TSHZ2: variants seen among roughly 807,000 people sequenced by gnomAD.
The protein encoded by TSHZ2 is teashirt homolog 2.
TSHZ2 carries 21 observed loss-of-function variants against 74.4 expected under a neutral mutation model. The ratio of observed to expected loss-of-function variants is 0.28; its 90% CI spans 0.20 to 0.41. The LOEUF is 0.41. Among genes scored for constraint, TSHZ2 ranks in the 10% least tolerant of loss-of-function variants. TSHZ2 has a pLI of 1.00. For synonymous variants in TSHZ2, 540 were observed against 515.3 expected (o/e 1.05, Z -0.65); for missense variants, 1,244 against 1,293.5 (o/e 0.96, Z 0.59).
At chr20:53,099,404 A>G (rs1986149592) in intron 1 of TSHZ2, among the ~76,000 whole-genome samples, 2 of 152,216 alleles carry the variant, frequency 1.3e-5, no homozygotes, top group South Asian at 2.1e-4. Context: ...CTTCTTGCAG[A>G]AAGCCTCCAC....
At chr20:53,099,467 C>CTAA (rs3070074) in intron 1 of TSHZ2, among the ~76,000 whole-genome samples, 136,720 of 152,074 alleles carry the variant, frequency 0.9, 61,685 homozygotes, top group East Asian at 1. Context: ...TTGCTACAAC[C>CTAA]TGTTTCTTCA....
chr20:53,185,222 T>C, intron 1 of TSHZ2: 1 of 989,904 alleles, frequency 1.0e-6, no homozygotes, highest in Non-Finnish European at 1.2e-6. Context: ...TACTGTCATT[T>C]AGCCTGTTTC....
At chr20:53,200,069 T>A (rs1160804694) in intron 1 of TSHZ2, among the ~76,000 whole-genome samples, 1 of 152,164 alleles carries the variant, frequency 6.6e-6, no homozygotes, top group Non-Finnish European at 1.5e-5. Flanking sequence ...AACCAATCAA[T>A]CAATCAGCAA....
At chr20:53,282,599 ATG>A (rs1991085778) in intron 2 of TSHZ2, among the ~76,000 whole-genome samples, 1 of 152,236 alleles carries the variant, frequency 6.6e-6, no homozygotes, top group Non-Finnish European at 1.5e-5. Context: ...TATTCACCGA[ATG>A]GACCTCAGAA....
At chr20:53,401,351 C>A (rs1982651032) in intron 2 of TSHZ2, 1 of 152,190 alleles carries the variant, frequency 6.6e-6, no homozygotes, top group African/African-American at 2.4e-5. Flanking sequence ...TATATTTTTA[C>A]TGTACCTTTT....
At chr20:53,116,462 T>C (rs1349258213) in intron 1 of TSHZ2, among the ~76,000 whole-genome samples, 1 of 152,164 alleles carries the variant, frequency 6.6e-6, no homozygotes, top group Non-Finnish European at 1.5e-5. Context: ...TCATTCTCTC[T>C]CAGCTCCTTA....
At chr20:53,472,317 G>A (rs1985833648) in intron 2 of TSHZ2, among the ~76,000 whole-genome samples, 1 of 152,200 alleles carries the variant, frequency 6.6e-6, no homozygotes, top group African/African-American at 2.4e-5. Context: ...CAGTTCGGGA[G>A]GATTTCATGA....
chr20:53,472,366 G>C (rs1173078906), intron 2 of TSHZ2, among the ~76,000 whole-genome samples: 2 of 152,158 alleles, frequency 1.3e-5, no homozygotes, highest in Non-Finnish European at 2.9e-5. Flanking sequence ...AGGGAGGAGT[G>C]AGGGCACAGT....
At chr20:53,145,909 A>C (rs948288185) in intron 1 of TSHZ2, among the ~76,000 whole-genome samples, 1 of 152,218 alleles carries the variant, frequency 6.6e-6, no homozygotes, top group African/African-American at 2.4e-5. Context: ...TAATAAATAG[A>C]AAGCACTTGG....
intron 1 of TSHZ2, among the ~76,000 whole-genome samples, chr20:52,998,021 A>G (rs1050032663): frequency 2.0e-4 from 30 of 152,202 alleles, no homozygotes; most frequent in African/African-American, 7.0e-4. Flanking sequence ...GAGGATGCTC[A>G]GGGGGGGATT....
chr20:53,293,676 T>C (rs1368267466), intron 2 of TSHZ2, among the ~76,000 whole-genome samples: 7 of 139,010 alleles, frequency 5.0e-5, no homozygotes, highest in Non-Finnish European at 1.5e-5. Flanking sequence ...AGTGCTGTGC[T>C]GGTAAATTTT....
chr20:53,473,687 C>T (rs1985902639), intron 2 of TSHZ2, among the ~76,000 whole-genome samples: 1 of 151,628 alleles, frequency 6.6e-6, no homozygotes, highest in South Asian at 2.1e-4. Flanking sequence ...GAGAAAAAGG[C>T]TTCAGACGAT....
At chr20:53,288,760 AAAG>A (rs1182198006) in intron 2 of TSHZ2, among the ~76,000 whole-genome samples, 1 of 152,234 alleles carries the variant, frequency 6.6e-6, no homozygotes, top group African/African-American at 2.4e-5. Context: ...AAGAAGAGAA[AAAG>A]AAGAGCAATA....
chr20:53,282,716 C>T (rs1193736433), intron 2 of TSHZ2, among the ~76,000 whole-genome samples: 1 of 152,228 alleles, frequency 6.6e-6, no homozygotes, highest in Non-Finnish European at 1.5e-5. Context: ...TGGCACCTTT[C>T]AGACTGGTGA....
At chr20:53,161,677 C>T (rs6097263) in intron 1 of TSHZ2, among the ~76,000 whole-genome samples, 12,736 of 152,144 alleles carry the variant, frequency 0.084, 1,315 homozygotes, top group African/African-American at 0.25. Flanking sequence ...ACTCAACTCA[C>T]TATCATGAGA....
intron 2 of TSHZ2, among the ~76,000 whole-genome samples, chr20:53,477,795 G>A: frequency 7.4e-6 from 1 of 135,086 alleles, no homozygotes; most frequent in Non-Finnish European, 1.6e-5. Context: ...AATCTACAAT[G>A]AACTCAAACA....
At chr20:53,033,559 G>A (rs1366105199) in intron 1 of TSHZ2, among the ~76,000 whole-genome samples, 1 of 151,186 alleles carries the variant, frequency 6.6e-6, no homozygotes, top group Non-Finnish European at 1.5e-5. Flanking sequence ...CAAGGGCCTA[G>A]GTCAGTGGCT....
intron 1 of TSHZ2, among the ~76,000 whole-genome samples, chr20:53,128,541 C>T (rs1426631842): frequency 6.6e-6 from 1 of 152,074 alleles, no homozygotes; most frequent in Non-Finnish European, 1.5e-5. Flanking sequence ...CACCAAGTAC[C>T]ATAATTGTTA....
At chr20:53,332,657 G>C (rs1979771706) in intron 2 of TSHZ2, among the ~76,000 whole-genome samples, 1 of 152,190 alleles carries the variant, frequency 6.6e-6, no homozygotes, top group Non-Finnish European at 1.5e-5. Context: ...AGATGTCTAA[G>C]AAGCCCGAGT....
Sources: allele counts gnomAD v4.1 joint callset (sites outside exome capture counted in the v4.1 genomes callset), GRCh38; gene constraint gnomAD v4.1.1; transcripts MANE v1.5; gene names NCBI Gene and HGNC (gene_info 2026-07-23, HGNC 2026-07-21).